VTI1A: variants seen among roughly 807,000 people sequenced by gnomAD.
VTI1A encodes vesicle transport through interaction with t-SNAREs homolog 1A.
Under a neutral mutation model 34.9 loss-of-function variants are expected in VTI1A, and 22 were observed. That is an observed-to-expected ratio of 0.63 (90% confidence interval 0.45 to 0.90). The LOEUF is 0.90. VTI1A is among the 40% of genes least tolerant of loss of function. VTI1A has a pLI of 0.00. For synonymous variants in VTI1A, 87 were observed against 97.3 expected (o/e 0.89, Z 0.62); for missense variants, 268 against 275.6 (o/e 0.97, Z 0.20).
intron 3 of VTI1A, among the ~76,000 whole-genome samples, chr10:112,497,531 G>A (rs1849071915): frequency 2.0e-5 from 3 of 152,174 alleles, no homozygotes; most frequent in Non-Finnish European, 2.9e-5. Context: ...CGTACTCACA[G>A]CTCTTAGAAT....
intron 3 of VTI1A, among the ~76,000 whole-genome samples, chr10:112,494,840 G>A (rs188699540): frequency 7.2e-5 from 11 of 152,224 alleles, no homozygotes; most frequent in Admixed American, 7.2e-4. Flanking sequence ...CTTAAGACAA[G>A]TGTTTAAAGC....
At chr10:112,656,298 C>G (rs1847225406) in intron 5 of VTI1A, among the ~76,000 whole-genome samples, 1 of 151,500 alleles carries the variant, frequency 6.6e-6, no homozygotes, top group Non-Finnish European at 1.5e-5. Context: ...TGACCTTATT[C>G]TCAGGGTTAG....
chr10:112,577,749 T>C (rs1843764453), intron 5 of VTI1A, among the ~76,000 whole-genome samples: 1 of 152,244 alleles, frequency 6.6e-6, no homozygotes, highest in South Asian at 2.1e-4. Context: ...AAGCTGGAAA[T>C]ATAATTTAAT....
At chr10:112,539,156 T>C (rs1850766336) in intron 5 of VTI1A, among the ~76,000 whole-genome samples, 1 of 152,218 alleles carries the variant, frequency 6.6e-6, no homozygotes, top group Admixed American at 6.5e-5. Flanking sequence ...GTAAATAATC[T>C]ATTTTGTGTA....
intron 7 of VTI1A, among the ~76,000 whole-genome samples, chr10:112,784,201 C>T (rs1399797265): frequency 6.6e-6 from 1 of 152,170 alleles, no homozygotes; most frequent in Admixed American, 6.5e-5. Context: ...ATAGCAGATT[C>T]CCCGTGTGTA....
At chr10:112,828,618 G>A in the VTI1A span, among the ~76,000 whole-genome samples, 1 of 151,820 alleles carries the variant, frequency 6.6e-6, no homozygotes, top group Non-Finnish European at 1.5e-5. Context: ...TGTTAGCCAG[G>A]ATGGTCTCGA....
At chr10:112,716,756 A>G (rs1849626302) in intron 7 of VTI1A, among the ~76,000 whole-genome samples, 1 of 152,182 alleles carries the variant, frequency 6.6e-6, no homozygotes, top group Admixed American at 6.5e-5. Flanking sequence ...GAGATATTCA[A>G]CTGGAGTGTT....
At chr10:112,613,222 A>C (rs1464236000) in intron 5 of VTI1A, among the ~76,000 whole-genome samples, 1 of 152,114 alleles carries the variant, frequency 6.6e-6, no homozygotes, top group African/African-American at 2.4e-5. Context: ...ATAGTCTTTT[A>C]GTTGCTGAAA....
rs1428850473 is a variant in VTI1A at position 112,447,323 on chromosome 10, G to C, written c.-51G>C. The stretch of plus-strand genomic sequence containing the variant: ...GCGGGGCCCCTCGCTGCCCCTCGAG[G>C]CCCTTTCCCTGACCTAGGCTTTGGC... On this transcript the variant is annotated 5_prime_UTR_variant, in exon 1 of 8. Transcript: ENST00000393077. The C allele has an allele frequency of 6.3e-7, 1 of 1,581,024 alleles. No homozygotes were observed. The highest frequency in any genetic ancestry group is 1.8e-5 in the Admixed American group (1 of 56,952).
intron 3 of VTI1A, among the ~76,000 whole-genome samples, chr10:112,512,330 G>T: frequency 6.6e-6 from 1 of 152,160 alleles, no homozygotes; most frequent in Non-Finnish European, 1.5e-5. Context: ...TCATATACCT[G>T]TTGGCTATTT....
the VTI1A span, among the ~76,000 whole-genome samples, chr10:112,833,669 A>G: frequency 0.041 from 6,292 of 151,982 alleles, 178 homozygotes; most frequent in African/African-American, 0.08. Flanking sequence ...GCCCTTAGTC[A>G]TTTCTTTCTC....
At chr10:112,574,728 G>T (rs1002898430) in intron 5 of VTI1A, among the ~76,000 whole-genome samples, 1 of 152,178 alleles carries the variant, frequency 6.6e-6, no homozygotes, top group African/African-American at 2.4e-5. Flanking sequence ...ACATAAAATC[G>T]AATGGACATG....
intron 7 of VTI1A, among the ~76,000 whole-genome samples, chr10:112,733,345 A>G (rs1172053506): frequency 2.0e-5 from 3 of 152,152 alleles, no homozygotes. Flanking sequence ...AAACATTTTC[A>G]CCACCCCAAA....
intron 5 of VTI1A, among the ~76,000 whole-genome samples, chr10:112,572,445 G>C (rs564414765): frequency 6.6e-6 from 1 of 152,156 alleles, no homozygotes; most frequent in Admixed American, 6.5e-5. Flanking sequence ...AAAGAGGATA[G>C]ATAACATGAA....
chr10:112,681,531 G>C (rs532310204), intron 7 of VTI1A, among the ~76,000 whole-genome samples: 96 of 152,212 alleles, frequency 6.3e-4, no homozygotes, highest in African/African-American at 2.3e-3. Context: ...TTTTTGACAT[G>C]TGAAAAATTA....
At chr10:112,501,668 C>G (rs1002283683) in intron 3 of VTI1A, among the ~76,000 whole-genome samples, 2 of 149,350 alleles carry the variant, frequency 1.3e-5, no homozygotes, top group African/African-American at 4.9e-5. Flanking sequence ...CCACCCCCAC[C>G]TCCCGCCCTC....
chr10:112,594,927 T>C (rs9665593), intron 5 of VTI1A, among the ~76,000 whole-genome samples: 107,795 of 147,092 alleles, frequency 0.73, 40,362 homozygotes, highest in African/African-American at 0.85. Flanking sequence ...AAGGCTACAG[T>C]AACCAAACCA....
the VTI1A span, chr10:112,824,730 T>C: frequency 6.6e-6 from 1 of 152,284 alleles, no homozygotes; most frequent in Non-Finnish European, 1.5e-5. Context: ...GGCCCTGCTG[T>C]GCCAGTGGCC....
At chr10:112,706,808 A>G (rs1228220321) in intron 7 of VTI1A, among the ~76,000 whole-genome samples, 1 of 152,140 alleles carries the variant, frequency 6.6e-6, no homozygotes, top group Non-Finnish European at 1.5e-5. Context: ...CCTGTCACGC[A>G]ACATCAAAAC....
Sources: allele counts gnomAD v4.1 joint callset (sites outside exome capture counted in the v4.1 genomes callset), GRCh38; gene constraint gnomAD v4.1.1; transcripts MANE v1.5; gene names NCBI Gene and HGNC (gene_info 2026-07-23, HGNC 2026-07-21).